Variants in UBE2K observed in about 807,000 individuals in gnomAD.
The protein encoded by UBE2K is ubiquitin conjugating enzyme E2 K, also known as ubiquitin-conjugating enzyme E2 K.
Under a neutral mutation model 30.0 loss-of-function variants are expected in UBE2K, and 6 were observed. The observed-to-expected ratio is 0.20, with a 90% CI of 0.11 to 0.39. The LOEUF is 0.39. Among genes scored for constraint, UBE2K ranks in the 10% least tolerant of loss-of-function variants. UBE2K has a pLI of 1.00. For missense variants in UBE2K, 61 were observed against 241.6 expected (o/e 0.25, Z 4.96); for synonymous variants, 86 against 83.7 (o/e 1.03, Z -0.15).
chr4:39,703,451 T>C (rs1718147993), intron 1 of UBE2K, among the ~76,000 whole-genome samples: 1 of 152,092 alleles, frequency 6.6e-6, no homozygotes, highest in South Asian at 2.1e-4. Flanking sequence ...AGGTCAAGGC[T>C]GCAGTGAATT....
chr4:39,735,452 C>T (rs942409371), intron 1 of UBE2K, among the ~76,000 whole-genome samples: 4 of 152,218 alleles, frequency 2.6e-5, no homozygotes, highest in Non-Finnish European at 5.9e-5. Flanking sequence ...GTGATCTCGG[C>T]TCACTGCAAG....
chr4:39,699,813 T>C (rs1185688692), intron 1 of UBE2K, among the ~76,000 whole-genome samples: 1 of 152,076 alleles, frequency 6.6e-6, no homozygotes, highest in African/African-American at 2.4e-5. Context: ...TAAGTCATGG[T>C]CGGTTTTACA....
At chr4:39,727,373 A>T (rs1719812270) in intron 1 of UBE2K, among the ~76,000 whole-genome samples, 1 of 151,780 alleles carries the variant, frequency 6.6e-6, no homozygotes. Context: ...TTATGGGGGG[A>T]GCGCTGAGAC....
chr4:39,704,660 C>G (rs1718228164), intron 1 of UBE2K, among the ~76,000 whole-genome samples: 1 of 152,014 alleles, frequency 6.6e-6, no homozygotes, highest in Admixed American at 6.6e-5. Context: ...CCTACCTCAG[C>G]CTTCCAAGTA....
At chr4:39,733,907 CTT>C (rs934603248) in intron 1 of UBE2K, among the ~76,000 whole-genome samples, 1 of 152,004 alleles carries the variant, frequency 6.6e-6, no homozygotes, top group Non-Finnish European at 1.5e-5. Flanking sequence ...TAAAGTAAGA[CTT>C]TAAGTTCGCT....
intron 1 of UBE2K, among the ~76,000 whole-genome samples, chr4:39,717,180 G>A (rs1250182951): frequency 6.6e-6 from 1 of 151,494 alleles, no homozygotes; most frequent in Non-Finnish European, 1.5e-5. Context: ...TAGAATAAAA[G>A]TTTGCTTATG....
intron 4 of UBE2K, chr4:39,770,893 G>A: frequency 1.3e-6 from 2 of 1,544,312 alleles, no homozygotes; most frequent in South Asian, 1.2e-5. Context: ...GGGAACTCCA[G>A]CTTCACTGGC....
At chr4:39,731,239 A>G (rs1012924053) in intron 1 of UBE2K, among the ~76,000 whole-genome samples, 1 of 45,880 alleles carries the variant, frequency 2.2e-5, no homozygotes, top group Non-Finnish European at 3.6e-5. Flanking sequence ...TTAAATTTAC[A>G]TAGTGGCTTA....
At chr4:39,721,404 A>T (rs1171775531) in intron 1 of UBE2K, among the ~76,000 whole-genome samples, 1 of 152,154 alleles carries the variant, frequency 6.6e-6, no homozygotes, top group East Asian at 1.9e-4. Context: ...CCCAGGCTGG[A>T]GTGCAGTGGC....
chr4:39,746,143 T>C (rs1467387064), intron 3 of UBE2K, among the ~76,000 whole-genome samples: 1 of 152,138 alleles, frequency 6.6e-6, no homozygotes, highest in African/African-American at 2.4e-5. Context: ...CTTACTTGAC[T>C]CAAAGAAGTA....
Position 39,713,273 on chromosome 4 carries a change from T to C in UBE2K, c.63+14883T>C, listed in dbSNP as rs144094577. Reference sequence around the variant, plus strand: ...ATTAGGTGGTTTGTAGTTTTCTCCTTCTTCTGTAGGAAATTTTTTTTTTTT... The same window carrying C: ...ATTAGGTGGTTTGTAGTTTTCTCCTCCTTCTGTAGGAAATTTTTTTTTTTT... On this transcript the variant is annotated intron_variant, in intron 1 of 6. Coordinates refer to ENST00000261427, the MANE Select transcript of UBE2K (RefSeq NM_005339.5). Among the ~76,000 whole-genome samples, 180 of 131,888 alleles carry C rather than the reference T, an allele frequency of 1.4e-3. 1 individual carries two copies. Among genetic ancestry groups the C allele is most frequent in the African/African-American group, 4.6e-3 (160 of 34,988 alleles). The allele number at this position is 131,888 out of a possible 152,430, so 86.5% of individuals were successfully genotyped here.
chr4:39,735,816 A>G (rs1720346979), intron 1 of UBE2K, among the ~76,000 whole-genome samples: 1 of 152,172 alleles, frequency 6.6e-6, no homozygotes, highest in Non-Finnish European at 1.5e-5. Context: ...TTTTTGGATA[A>G]AAAATATTTT....
At chr4:39,712,234 C>A (rs1401600023) in intron 1 of UBE2K, among the ~76,000 whole-genome samples, 1 of 124,936 alleles carries the variant, frequency 8.0e-6, no homozygotes, top group Non-Finnish European at 1.6e-5. Context: ...CCGAGTCTCG[C>A]TCTGTCACCC....
intron 1 of UBE2K, among the ~76,000 whole-genome samples, chr4:39,729,820 G>A (rs374069709): frequency 1.3e-5 from 2 of 152,266 alleles, no homozygotes; most frequent in East Asian, 3.9e-4. Context: ...TCAAGTCCTC[G>A]TTTGCCTCCA....
At chr4:39,770,918 G>A (rs1187173743) in intron 4 of UBE2K, 6 of 1,566,986 alleles carry the variant, frequency 3.8e-6, no homozygotes, top group East Asian at 2.2e-5. Flanking sequence ...GGAGTGGAGG[G>A]GATAGAGGAG....
At chr4:39,709,502 A>G (rs943662921) in intron 1 of UBE2K, among the ~76,000 whole-genome samples, 13 of 152,070 alleles carry the variant, frequency 8.5e-5, no homozygotes, top group Non-Finnish European at 1.9e-4. Flanking sequence ...ATTTTGAGAG[A>G]GCACATTCAC....
At chr4:39,756,799 A>G (rs1560370290) in intron 4 of UBE2K, among the ~76,000 whole-genome samples, 1 of 152,152 alleles carries the variant, frequency 6.6e-6, no homozygotes, top group Non-Finnish European at 1.5e-5. Context: ...GAAAAAATCA[A>G]TTAAGTGAGT....
chr4:39,702,231 CTTTTTTTTTTTTTTTTTTTTTTTTTT>C (rs564712672), intron 1 of UBE2K, among the ~76,000 whole-genome samples: 2 of 67,390 alleles, frequency 3.0e-5, no homozygotes, highest in Non-Finnish European at 5.5e-5. Context: ...CTTTTCTTTT[CTTTTTTTTTTTTTTTTTTTTTTTTTT>C]TTTTTTTTTT....
chr4:39,709,773 T>A (rs1718571448), intron 1 of UBE2K, among the ~76,000 whole-genome samples: 1 of 152,150 alleles, frequency 6.6e-6, no homozygotes, highest in East Asian at 1.9e-4. Context: ...GTTCAAAGTT[T>A]GTGTTAAAAT....
Sources: allele counts gnomAD v4.1 joint callset (sites outside exome capture counted in the v4.1 genomes callset), GRCh38; gene constraint gnomAD v4.1.1; transcripts MANE v1.5; gene names NCBI Gene and HGNC (gene_info 2026-07-23, HGNC 2026-07-21).